Variants in DOCK3 observed in about 807,000 individuals in gnomAD.
DOCK3 encodes the protein dedicator of cytokinesis protein 3.
Under a neutral mutation model 265.6 loss-of-function variants are expected in DOCK3, and 60 were observed. The observed-to-expected ratio is 0.23, with a 90% confidence interval of 0.18 to 0.28. The LOEUF is 0.28. Ranked by LOEUF, DOCK3 falls within the 10% of genes least tolerant of loss-of-function variation. DOCK3 has a pLI of 1.00. For synonymous variants in DOCK3, 881 were observed against 938.0 expected (o/e 0.94, Z 1.11); for missense variants, 1,981 against 2,594.3 (o/e 0.76, Z 5.14).
rs2079514701 is a variant in DOCK3 at position 51,019,942 on chromosome 3, G to A, written c.316-44506G>A. Among the ~76,000 whole-genome samples, 2 of 151,790 alleles carry A rather than the reference G, an allele frequency of 1.3e-5. 1 individual carries two copies. The highest frequency in any genetic ancestry group is 4.9e-5 in the African/African-American group (2 of 41,140). ...GAATAGTACTGCAGTGAACATATAT[G>A]TGCGCATGTGTCTTTATAATAGAAT... is the stretch of plus-strand genomic sequence containing the variant. On this transcript the variant is annotated intron_variant, in intron 5 of 52. Coordinates refer to ENST00000266037, the MANE Select transcript of DOCK3 (RefSeq NM_004947.5).
At position 51,381,454 on chromosome 3, in the gene DOCK3, G is replaced by C. The variant is rs1553618668; in HGVS notation, c.5988G>C (p.Glu1996Asp). The C allele has an allele frequency of 8.1e-6, 13 of 1,605,520 alleles. No homozygotes were observed. Among genetic ancestry groups the C allele is most frequent in the South Asian group, 2.2e-5 (2 of 90,272 alleles). Residue 1996 changes from glutamate to aspartate, a missense_variant, in exon 53 of 53, where the codon GAG becomes GAC. This residue lies in a region of DOCK3 where 149 missense variants were observed against 144.7 expected (regional missense o/e 1.03). Coordinates refer to ENST00000266037, the MANE Select transcript of DOCK3 (RefSeq NM_004947.5). This position sits in a 1 kb window ranked among gnomAD's most constrained non-coding sequence, Gnocchi z 5.6. ...EHDEGVLLRE[E>D]TERPRGLHRK... ...ATGAGGGGGTGCTGCTGCGTGAAGAGACTGAGAGGCCTCGAGGCCTGCACC... is the reference window on the plus strand; with the variant it reads ...ATGAGGGGGTGCTGCTGCGTGAAGACACTGAGAGGCCTCGAGGCCTGCACC...
intron 8 of DOCK3, among the ~76,000 whole-genome samples, chr3:51,089,799 G>C (rs2082567573): frequency 6.6e-6 from 1 of 151,142 alleles, no homozygotes; most frequent in Non-Finnish European, 1.5e-5. Context: ...CTACTCAGGA[G>C]GCTGAGGGAG....
At chr3:51,142,259 A>G (rs565011361) in intron 9 of DOCK3, among the ~76,000 whole-genome samples, 2 of 152,148 alleles carry the variant, frequency 1.3e-5, no homozygotes, top group Admixed American at 6.5e-5. Context: ...TAATTTATAC[A>G]CAGTAAAATT....
Position 51,284,161 on chromosome 3 carries a change from G to T in DOCK3, c.2922+3957G>T, listed in dbSNP as rs200128465. On this transcript the variant is annotated intron_variant, in intron 27 of 52. Transcript: ENST00000266037. ...CATATTGAGTGCTCCAACTTTTACAGCTTCTACCCGAAGGACTGCATCCTA... is the reference window on the plus strand; with the variant it reads ...CATATTGAGTGCTCCAACTTTTACATCTTCTACCCGAAGGACTGCATCCTA... 2.0e-5 allele frequency among the ~76,000 whole-genome samples: 3 copies of T among 152,268 alleles called. No individual in the cohort carries two copies. The South Asian group carries it at 6.2e-4, about 32-fold the overall frequency.
At chr3:50,703,464 T>C (rs1323682723) in intron 1 of DOCK3, among the ~76,000 whole-genome samples, 1 of 152,108 alleles carries the variant, frequency 6.6e-6, no homozygotes, top group Non-Finnish European at 1.5e-5. Flanking sequence ...CCATTGGTCC[T>C]TTTTCTTTTT....
chr3:50,941,862 A>G (rs895961288), intron 5 of DOCK3, among the ~76,000 whole-genome samples: 52 of 152,072 alleles, frequency 3.4e-4, no homozygotes, highest in Admixed American at 2.0e-4. Flanking sequence ...AAATTATAGC[A>G]ATTAAGACAG....
rs541280187 is a variant in DOCK3 at position 50,704,418 on chromosome 3, A to G, written c.37+29118A>G. 6.6e-5 allele frequency among the ~76,000 whole-genome samples: 10 copies of G among 151,964 alleles called. No homozygotes were observed. The East Asian group carries it at 1.9e-3, about 29-fold the overall frequency. On this transcript the variant is annotated intron_variant, in intron 1 of 52. Transcript: ENST00000266037. ...TATTGGTATCTCTCTTTTTAGTTCT[A>G]TTATTTGCTTTATGTTTTTCTGGGT...
chr3:51,116,340 A>G (rs1289167409), intron 9 of DOCK3, among the ~76,000 whole-genome samples: 1 of 149,818 alleles, frequency 6.7e-6, no homozygotes, highest in African/African-American at 2.5e-5. Context: ...AATCCCAGCT[A>G]CTCGGGAGGC....
chr3:51,291,323 A>G (rs2081758631), intron 27 of DOCK3, among the ~76,000 whole-genome samples: 1 of 152,158 alleles, frequency 6.6e-6, no homozygotes, highest in East Asian at 1.9e-4. Flanking sequence ...AATGAAATGG[A>G]CACTAAAAAA....
At chr3:51,344,321 A>G (rs1264953783) in intron 38 of DOCK3, among the ~76,000 whole-genome samples, 2 of 152,190 alleles carry the variant, frequency 1.3e-5, no homozygotes, top group African/African-American at 4.8e-5. Flanking sequence ...CAACAAGGAT[A>G]TATAAAAGCA....
intron 5 of DOCK3, among the ~76,000 whole-genome samples, chr3:51,019,991 A>T (rs535956743): frequency 6.6e-6 from 1 of 151,976 alleles, no homozygotes; most frequent in African/African-American, 2.4e-5. Context: ...TTGGGTATAT[A>T]CAGAGTAATG....
At chr3:51,206,142 A>T (rs1418442482) in intron 12 of DOCK3, among the ~76,000 whole-genome samples, 1 of 152,246 alleles carries the variant, frequency 6.6e-6, no homozygotes, top group Non-Finnish European at 1.5e-5. Context: ...ATTTCATAAG[A>T]TGACCATAAT....
intron 6 of DOCK3, among the ~76,000 whole-genome samples, chr3:51,071,926 G>A (rs2081888935): frequency 6.6e-6 from 1 of 152,116 alleles, no homozygotes; most frequent in Non-Finnish European, 1.5e-5. Flanking sequence ...TATAACTTTT[G>A]CAAACTACCC....
chr3:50,696,113 A>T (rs1235131308), intron 1 of DOCK3, among the ~76,000 whole-genome samples: 1 of 152,204 alleles, frequency 6.6e-6, no homozygotes, highest in Non-Finnish European at 1.5e-5. Flanking sequence ...TCTTTCTTGC[A>T]GTCATTAACT....
intron 21 of DOCK3, 42 bp downstream of exon 21, chr3:51,237,632 T>C: frequency 1.9e-6 from 3 of 1,544,658 alleles, no homozygotes; most frequent in Admixed American, 1.8e-5. Context: ...CGTGTTTGAG[T>C]AGAAATATAG....
chr3:50,964,841 C>A (rs940789127), intron 5 of DOCK3, among the ~76,000 whole-genome samples: 1 of 152,002 alleles, frequency 6.6e-6, no homozygotes, highest in African/African-American at 2.4e-5. Context: ...AATCAGTTTA[C>A]TCAAAAGCAG....
At position 51,357,112 on chromosome 3, in the gene DOCK3, G is replaced by C. The variant is rs774165461; in HGVS notation, c.4654G>C (p.Val1552Leu). 6.2e-7 allele frequency: 1 copy of C among 1,612,556 alleles called. No individual in the cohort carries two copies. Among genetic ancestry groups the C allele is most frequent in the Non-Finnish European group, 8.5e-7 (1 of 1,179,842 alleles). Residue 1552 changes from valine (V) to leucine (L), a missense_variant, in exon 44 of 53, where the codon GTC (valine) becomes CTC (leucine). Val to Leu is a conservative substitution (Grantham distance 32, BLOSUM62 1). Around this residue, in one of 4 missense-constraint regions of DOCK3, gnomAD observed 1,357 missense variants for 1,866.8 expected, o/e 0.73. Coordinates refer to ENST00000266037, the MANE Select transcript of DOCK3 (RefSeq NM_004947.5). ...CCTGAATGGTGTCATTGATGCAGCT[G>C]TCAATGGAGGCATTGCACGCTATCA... is the stretch of plus-strand genomic sequence containing the variant. ...MCLNGVIDAA[V>L]NGGIARYQEA... is the part of the protein sequence containing the mutation.
At chr3:50,983,543 G>A (rs1385210858) in intron 5 of DOCK3, among the ~76,000 whole-genome samples, 1 of 152,134 alleles carries the variant, frequency 6.6e-6, no homozygotes, top group Non-Finnish European at 1.5e-5. Flanking sequence ...CACTAGTCAG[G>A]ATAGCCTGCC....
chr3:51,110,615 G>A (rs903526967), intron 9 of DOCK3, among the ~76,000 whole-genome samples: 10 of 152,068 alleles, frequency 6.6e-5, no homozygotes, highest in Non-Finnish European at 1.5e-4. Flanking sequence ...ATGCGGAAAA[G>A]GCTTTCAAAA....
Sources: allele counts gnomAD v4.1 joint callset (sites outside exome capture counted in the v4.1 genomes callset), GRCh38; gene constraint gnomAD v4.1.1; regional missense constraint gnomAD v4.1.1; non-coding constraint Gnocchi (gnomAD v3.1); transcripts MANE v1.5; gene names NCBI Gene and HGNC (gene_info 2026-07-23, HGNC 2026-07-21).